Variants in MAN2B2 observed in about 807,000 individuals in gnomAD.
MAN2B2 encodes the protein epididymis-specific alpha-mannosidase.
MAN2B2 carries 106 observed loss-of-function variants against 117.1 expected under a neutral mutation model. The ratio of observed to expected loss-of-function variants is 0.90; its 90% CI spans 0.77 to 1.06. The LOEUF is 1.06. Among genes scored for constraint, MAN2B2 ranks in the 50% least tolerant of loss-of-function variants. The probability of loss-of-function intolerance (pLI) is 0.00; values close to 1 mark genes in which losing one functional copy is unlikely to be tolerated. For synonymous variants in MAN2B2, 544 were observed against 595.1 expected, an observed-to-expected ratio of 0.91 and a Z score of 1.25; for missense variants, 1,326 against 1,381.4, an observed-to-expected ratio of 0.96 and a Z score of 0.64.
chr4:6,616,529 C>T (rs550583124), intron 16 of MAN2B2, among the ~76,000 whole-genome samples: 4 of 152,326 alleles, frequency 2.6e-5, no homozygotes, highest in East Asian at 1.9e-4. Flanking sequence ...CCACGCCCCC[C>T]GCTGATGGAG....
chr4:6,600,675 G>A lies in MAN2B2; in HGVS notation c.1458G>A (p.Thr486=), dbSNP rs148386673. 5,305 of 1,613,980 alleles carry A rather than the reference G, an allele frequency of 3.3e-3. 11 individuals are homozygous for A. Among genetic ancestry groups the A allele is most frequent in the Non-Finnish European group, 4.0e-3 (4,778 of 1,180,016 alleles). Reference sequence around the variant, plus strand: ...CGGTCTACAACCCGCTGGCCTGGACGGTCACCACCATCGTCACCCTGACTG... The same window carrying A: ...CGGTCTACAACCCGCTGGCCTGGACAGTCACCACCATCGTCACCCTGACTG... ...FASVYNPLAW[T]VTTIVTLTVG... The change falls in exon 10 of 19, where the codon ACG becomes ACA. Residue 486 remains threonine, a synonymous_variant. Coordinates refer to ENST00000285599, the MANE Select transcript of MAN2B2 (RefSeq NM_015274.3).
chr4:6,582,493 C>G (rs150077610), intron 3 of MAN2B2, among the ~76,000 whole-genome samples: 1 of 152,146 alleles, frequency 6.6e-6, no homozygotes, highest in East Asian at 1.9e-4. Context: ...CGTGCACCAC[C>G]ATGCCCAGCT....
chr4:6,609,072 A>T (rs1019457808), intron 11 of MAN2B2, 35 bp from the exon 12 acceptor site: 14 of 1,587,710 alleles, frequency 8.8e-6, no homozygotes, highest in Non-Finnish European at 1.2e-5. Context: ...CTTGTGCAGG[A>T]TGAGAATGAC....
chr4:6,608,994 G>T (rs536538360), intron 11 of MAN2B2, 113 bp from the exon 12 acceptor site: 2 of 936,398 alleles, frequency 2.1e-6, no homozygotes, highest in African/African-American at 1.7e-5. Flanking sequence ...ACATGGCCTC[G>T]TGAGTGCTAC....
rs1262975901 is a variant in MAN2B2, at chr4:6,621,186, A to G, written c.2933-2A>G. 9 of 1,612,118 alleles carry G rather than the reference A, an allele frequency of 5.6e-6. No homozygotes were observed. Among genetic ancestry groups the G allele is most frequent in the Non-Finnish European group, 6.8e-6 (8 of 1,178,348 alleles). ...CTGGACAGATCACCTCTGTTCCCCT[A>G]GGTGACACCACCTCTCCCTCGAGGC... On this transcript the variant is annotated splice_acceptor_variant, in intron 18 of 18. Transcript: ENST00000285599. LOFTEE classifies it high-confidence loss of function.
chr4:6,579,269 C>T (rs1259114308), intron 3 of MAN2B2, among the ~76,000 whole-genome samples: 3 of 113,474 alleles, frequency 2.6e-5, no homozygotes, highest in Non-Finnish European at 3.9e-5. Context: ...CCACCACCAC[C>T]ATCACCACCA....
chr4:6,594,834 C>A, intron 7 of MAN2B2, 102 bp downstream of exon 7: 4 of 1,233,522 alleles, frequency 3.2e-6, no homozygotes, highest in East Asian at 2.6e-5. Context: ...GCTCTCCAAG[C>A]CCTGGAGGGG....
chr4:6,614,120 C>A, intron 15 of MAN2B2, 98 bp from the exon 16 acceptor site: 1 of 1,458,502 alleles, frequency 6.9e-7, no homozygotes. Flanking sequence ...TGGGAAGTGG[C>A]TGGCAGGGGC....
rs776113760 is a variant in MAN2B2, at chr4:6,579,380, CACT to C, written c.391+885_391+887del. ...CCACCATCACCATCACCACCACCAC[CACT>C]ACCCTTCACCATCACCACCACCACC... On this transcript the variant is annotated intron_variant, in intron 3 of 18. Transcript: ENST00000285599. Among the ~76,000 whole-genome samples, 58 of 88,802 alleles carry C rather than the reference CACT, an allele frequency of 6.5e-4. 1 individual carries two copies. The highest frequency in any genetic ancestry group is 1.1e-3 in the Non-Finnish European group (41 of 38,340). The allele number at this position is 88,802 out of a possible 152,430, so 58.3% of individuals were successfully genotyped here.
In MAN2B2 at chr4:6,620,989, G is replaced by A. The variant is rs775545347; in HGVS notation, c.2933-199G>A. ...AGGGGATGCCATAGGCCGTTGCCAC[G>A]GTGGGAGCCACAGCAGACTGTAGCC... On this transcript the variant is annotated intron_variant, in intron 18 of 18. Transcript: ENST00000285599. The A allele has an allele frequency of 1.3e-4, 71 of 543,370 alleles. 1 individual carries two copies. Among genetic ancestry groups the A allele is most frequent in the Non-Finnish European group, 2.0e-4 (62 of 304,882 alleles). 33.7% of individuals were successfully genotyped at this position (543,370 alleles called of 1,614,324 possible).
At chr4:6,579,246 T>A (rs142761683) in intron 3 of MAN2B2, among the ~76,000 whole-genome samples, 17 of 2,636 alleles carry the variant, frequency 6.4e-3, no homozygotes, top group Non-Finnish European at 9.7e-3. Context: ...ACCACCACCC[T>A]TCACCACCAT....
intron 4 of MAN2B2, among the ~76,000 whole-genome samples, chr4:6,588,534 G>GCAAAAC (rs1456425657): frequency 2.0e-5 from 3 of 152,042 alleles, no homozygotes; most frequent in African/African-American, 7.2e-5. Flanking sequence ...GGCCAACATG[G>GCAAAAC]CAAAACCCCG....
At chr4:6,578,995 C>G (rs1250859187) in intron 3 of MAN2B2, among the ~76,000 whole-genome samples, 1 of 147,106 alleles carries the variant, frequency 6.8e-6, no homozygotes, top group Non-Finnish European at 1.5e-5. Flanking sequence ...CCATCACTAC[C>G]ACTACCATCA....
intron 3 of MAN2B2, among the ~76,000 whole-genome samples, chr4:6,579,096 CCAG>C (rs1560634359): frequency 3.0e-4 from 18 of 60,242 alleles, no homozygotes; most frequent in South Asian, 6.4e-4. Context: ...ATCACCATCA[CCAG>C]CACCACCACC....
At chr4:6,614,500 A>G (rs911676763) in intron 16 of MAN2B2, 145 bp downstream of exon 16, 7 of 1,012,312 alleles carry the variant, frequency 6.9e-6, no homozygotes, top group Non-Finnish European at 1.0e-5. Context: ...ACATGGGGAG[A>G]GTGAGGCCCA....
In MAN2B2 at chr4:6,585,383, AC is replaced by A. The variant is rs747102020; in HGVS notation, c.392-1612del. On this transcript the variant is annotated intron_variant, in intron 3 of 18. Coordinates refer to ENST00000285599, the MANE Select transcript of MAN2B2 (RefSeq NM_015274.3). Reference sequence around the variant, plus strand: ...CACCAATCTTAAAGTGCAGATTATAACACCCATCTCTCAAGGTGTTAGAAAG... The same window carrying A: ...CACCAATCTTAAAGTGCAGATTATAAACCCATCTCTCAAGGTGTTAGAAAG... Among the ~76,000 whole-genome samples the A allele has an allele frequency of 2.2e-4, 34 of 152,320 alleles. No homozygotes were observed. The East Asian group carries it at 5.4e-3, about 24-fold the overall frequency.
intron 1 of MAN2B2, among the ~76,000 whole-genome samples, 189 bp downstream of exon 1, chr4:6,575,537 C>T (rs1186422756): frequency 1.3e-5 from 2 of 152,238 alleles, no homozygotes; most frequent in Non-Finnish European, 2.9e-5. Flanking sequence ...CCTCTGAACC[C>T]CCATTTCCCC....
intron 2 of MAN2B2, 49 bp from the exon 3 acceptor site, chr4:6,578,344 T>A (rs1320257748): frequency 1.4e-6 from 2 of 1,427,096 alleles, no homozygotes; most frequent in Non-Finnish European, 2.0e-6. Flanking sequence ...GACCCAGCCA[T>A]GCTCAGGAGC....
intron 2 of MAN2B2, among the ~76,000 whole-genome samples, chr4:6,577,957 A>C (rs1726131839): frequency 6.6e-6 from 1 of 152,222 alleles, no homozygotes. Flanking sequence ...CCAAAGGCAC[A>C]GCCTATAAAC....
Sources: gnomAD v4.1 joint callset for allele counts (sites outside exome capture counted in the v4.1 genomes callset) on GRCh38, gnomAD v4.1.1 for gene constraint, MANE v1.5 for transcripts, NCBI Gene and HGNC (gene_info 2026-07-23, HGNC 2026-07-21) for gene names.